KIRREL3: variants seen among roughly 807,000 people sequenced by gnomAD.
The protein encoded by KIRREL3 is kirre like nephrin family adhesion molecule 3.
A neutral mutation model predicts 89.7 loss-of-function variants in KIRREL3; 36 were observed. The ratio of observed to expected loss-of-function variants is 0.40; its 90% CI spans 0.31 to 0.53. The LOEUF is 0.53. KIRREL3 is among the 20% of genes least tolerant of loss of function. KIRREL3 has a pLI of 0.49. For synonymous variants in KIRREL3, 445 were observed against 441.4 expected (o/e 1.01, Z -0.10); for missense variants, 864 against 1,056.6 (o/e 0.82, Z 2.53).
In KIRREL3 at chr11:126,742,081, G is replaced by A. The variant is rs556869122; in HGVS notation, c.56-179169C>T. 6.6e-6 allele frequency among the ~76,000 whole-genome samples: 1 copy of A among 152,328 alleles called. No homozygotes were observed. The highest frequency in any genetic ancestry group is 2.1e-4 in the South Asian group (1 of 4,828). ...ACATGTGAAACTCTATTTACACCAAGCTTTAAATTGAACTTCCCATTTCCC... is the reference window on the plus strand; with the variant it reads ...ACATGTGAAACTCTATTTACACCAAACTTTAAATTGAACTTCCCATTTCCC... On this transcript the variant is annotated intron_variant, in intron 1 of 16. Transcript: ENST00000525144. This position sits in a 1 kb window ranked among gnomAD's most constrained non-coding sequence, Gnocchi z 5.3.
intron 4 of KIRREL3, among the ~76,000 whole-genome samples, chr11:126,493,346 C>T (rs540484549): frequency 5.9e-5 from 9 of 152,044 alleles, no homozygotes; most frequent in Admixed American, 3.9e-4. Context: ...ACGGTGAAAC[C>T]CCATCTCTAC....
chr11:126,558,264 C>T lies in KIRREL3; in HGVS notation c.133+4571G>A, dbSNP rs563425884. Among the ~76,000 whole-genome samples, 1 of 152,308 alleles carries T rather than the reference C, an allele frequency of 6.6e-6. No homozygotes were observed. The highest frequency in any genetic ancestry group is 2.1e-4 in the South Asian group (1 of 4,828). On this transcript the variant is annotated intron_variant, in intron 2 of 16. Transcript: ENST00000525144. The surrounding 1 kb of genome is among the most constrained non-coding windows in gnomAD (Gnocchi z 4.0). ...AGAGTCCTGTGGCCTGCCAGCTTTT[C>T]TGGTCCCCCAGGAATGGTCTTCTCT...
At chr11:126,444,817 C>A (rs894617903) in intron 10 of KIRREL3, among the ~76,000 whole-genome samples, 162 bp downstream of exon 10, 5 of 152,206 alleles carry the variant, frequency 3.3e-5, no homozygotes. Context: ...CTGGGTCTGA[C>A]GGGGAATCCA....
At position 126,946,333 on chromosome 11, in the gene KIRREL3, C is replaced by G. The variant is rs978588713; in HGVS notation, c.55+54122G>C. ...GGAAGGGAAGATTTGGTTGCTACAACATGCCACCATACTGGGAGTTGCAAG... is the reference window on the plus strand; with the variant it reads ...GGAAGGGAAGATTTGGTTGCTACAAGATGCCACCATACTGGGAGTTGCAAG... On this transcript the variant is annotated intron_variant, in intron 1 of 16. Transcript: ENST00000525144. The surrounding 1 kb of genome is among the most constrained non-coding windows in gnomAD (Gnocchi z 4.1). Among the ~76,000 whole-genome samples the G allele has an allele frequency of 1.3e-5, 2 of 152,192 alleles. No homozygotes were observed. The highest frequency in any genetic ancestry group is 2.4e-5 in the African/African-American group (1 of 41,428).
Position 126,454,366 on chromosome 11 carries a change from G to C in KIRREL3, c.848+1983C>G, listed in dbSNP as rs1482084818. ...CAGCCTACCCATCACTAGGACCCCA[G>C]GTGACCAGAGCCTGGCAGTGAGGAG... is the stretch of plus-strand genomic sequence containing the variant. On this transcript the variant is annotated intron_variant, in intron 7 of 16. Transcript: ENST00000525144. This position sits in a 1 kb window ranked among gnomAD's most constrained non-coding sequence, Gnocchi z 5.8. Among the ~76,000 whole-genome samples, 1 of 152,130 alleles carries C rather than the reference G, an allele frequency of 6.6e-6. No homozygotes were observed. The highest frequency in any genetic ancestry group is 1.5e-5 in the Non-Finnish European group (1 of 68,030).
At chr11:126,644,933 C>T (rs972055889) in intron 1 of KIRREL3, among the ~76,000 whole-genome samples, 9 of 152,232 alleles carry the variant, frequency 5.9e-5, no homozygotes, top group East Asian at 1.9e-4. Context: ...AAACAGCGAA[C>T]GTGCCAAGTC....
rs547777525 is a variant in KIRREL3, at chr11:126,557,947, C to A, written c.133+4888G>T. On this transcript the variant is annotated intron_variant, in intron 2 of 16. Coordinates refer to ENST00000525144, the MANE Select transcript of KIRREL3 (RefSeq NM_032531.4). This position sits in a 1 kb window ranked among gnomAD's most constrained non-coding sequence, Gnocchi z 5.6. ...AGAGGTCTCCAGTCAGCAAAAGCTGCCTTTGCTAATCACTCACAAGTATTT... is the reference window on the plus strand; with the variant it reads ...AGAGGTCTCCAGTCAGCAAAAGCTGACTTTGCTAATCACTCACAAGTATTT... 8.3e-4 allele frequency among the ~76,000 whole-genome samples: 126 copies of A among 152,218 alleles called. No homozygotes were observed. Among genetic ancestry groups the A allele is most frequent in the Non-Finnish European group, 1.5e-3 (105 of 68,036 alleles).
At position 126,683,982 on chromosome 11, in the gene KIRREL3, G is replaced by T. The variant is rs1478955452; in HGVS notation, c.56-121070C>A. On this transcript the variant is annotated intron_variant, in intron 1 of 16. Coordinates refer to ENST00000525144, the MANE Select transcript of KIRREL3 (RefSeq NM_032531.4). This position sits in a 1 kb window ranked among gnomAD's most constrained non-coding sequence, Gnocchi z 5.2. ...CCCTTACAGGGTGGTGGGACCCAGG[G>T]CCCAGGGTTTGGCTCCGGGTTTTTG... Among the ~76,000 whole-genome samples, 1 of 152,216 alleles carries T rather than the reference G, an allele frequency of 6.6e-6. No individual in the cohort carries two copies. The highest frequency in any genetic ancestry group is 2.4e-5 in the African/African-American group (1 of 41,462).
chr11:126,895,402 C>T (rs1393759356), intron 1 of KIRREL3, among the ~76,000 whole-genome samples: 52 of 148,332 alleles, frequency 3.5e-4, no homozygotes, highest in Admixed American at 3.5e-3. Flanking sequence ...GGCGGAGATT[C>T]CACCACTGTA....
intron 1 of KIRREL3, among the ~76,000 whole-genome samples, chr11:126,794,555 T>C (rs893457147): frequency 1.3e-5 from 2 of 152,210 alleles, no homozygotes; most frequent in African/African-American, 4.8e-5. Context: ...TCCAATAATA[T>C]TGATTTGTAT....
At position 126,931,029 on chromosome 11, in the gene KIRREL3, C is replaced by T. The variant is rs1947928752; in HGVS notation, c.55+69426G>A. 1.3e-5 allele frequency among the ~76,000 whole-genome samples: 2 copies of T among 152,232 alleles called. No individual in the cohort carries two copies. Among genetic ancestry groups the T allele is most frequent in the Non-Finnish European group, 2.9e-5 (2 of 68,048 alleles). The stretch of plus-strand genomic sequence containing the variant: ...CCCCTATCCATCTCCCACTCTCACA[C>T]AGGACGAGTGTAGACAGCACCTTCT... On this transcript the variant is annotated intron_variant, in intron 1 of 16. Transcript: ENST00000525144. The surrounding 1 kb of genome is among the most constrained non-coding windows in gnomAD (Gnocchi z 5.1).
At chr11:127,003,363 C>A (rs1478599707), upstream of KIRREL3, 1 of 153,158 alleles carries the variant, frequency 6.5e-6, no homozygotes, top group Admixed American at 6.5e-5. Context: ...CGGTTAGCCT[C>A]CTGGCGCTGC....
At chr11:126,722,748 G>T (rs906464126) in intron 1 of KIRREL3, among the ~76,000 whole-genome samples, 5 of 152,222 alleles carry the variant, frequency 3.3e-5, no homozygotes, top group Non-Finnish European at 5.9e-5. Context: ...TGTAAGCTCC[G>T]TGTGGACAAG....
rs1343112598 is a variant in KIRREL3, at chr11:126,739,145, G to T, written c.56-176233C>A. On this transcript the variant is annotated intron_variant, in intron 1 of 16. Transcript: ENST00000525144. The surrounding 1 kb of genome is among the most constrained non-coding windows in gnomAD (Gnocchi z 5.5). ...CAGGATGGAAACTCCAATCCAGACT[G>T]TTCTGGCTCCAAAGCCAAACCCTTC... 6.6e-6 allele frequency among the ~76,000 whole-genome samples: 1 copy of T among 152,234 alleles called. No individual in the cohort carries two copies. Among genetic ancestry groups the T allele is most frequent in the East Asian group, 1.9e-4 (1 of 5,200 alleles).
At chr11:126,756,334 A>T (rs568184302) in intron 1 of KIRREL3, among the ~76,000 whole-genome samples, 1 of 152,374 alleles carries the variant, frequency 6.6e-6, no homozygotes, top group East Asian at 1.9e-4. Flanking sequence ...AACAAATGGT[A>T]AATAGAATAA....
chr11:126,559,848 T>C (rs183474760), intron 2 of KIRREL3, among the ~76,000 whole-genome samples: 1 of 151,788 alleles, frequency 6.6e-6, no homozygotes, highest in Non-Finnish European at 1.5e-5. Context: ...TATTATTATT[T>C]TTTTTTGTAT....
At position 126,844,895 on chromosome 11, in the gene KIRREL3, C is replaced by T. The variant is rs1376180125; in HGVS notation, c.55+155560G>A. Among the ~76,000 whole-genome samples, 1 of 152,190 alleles carries T rather than the reference C, an allele frequency of 6.6e-6. No homozygotes were observed. Among genetic ancestry groups the T allele is most frequent in the African/African-American group, 2.4e-5 (1 of 41,450 alleles). On this transcript the variant is annotated intron_variant, in intron 1 of 16. Coordinates refer to ENST00000525144, the MANE Select transcript of KIRREL3 (RefSeq NM_032531.4). The surrounding 1 kb of genome is among the most constrained non-coding windows in gnomAD (Gnocchi z 4.8). The stretch of plus-strand genomic sequence containing the variant: ...TCCTTTTGCTACCAACAAGCAGCCA[C>T]CTGAAATTGTCAGTGTTGTTGCAAT...
rs1269415867 is a variant in KIRREL3 at position 126,807,830 on chromosome 11, T to G, written c.55+192625A>C. Among the ~76,000 whole-genome samples the G allele has an allele frequency of 6.6e-6, 1 of 152,234 alleles. No homozygotes were observed. Among genetic ancestry groups the G allele is most frequent in the East Asian group, 1.9e-4 (1 of 5,204 alleles). ...AGTGTTTACCCACTACCAGGCACTC[T>G]GTTAGGCACTTTACATATATTGTCT... On this transcript the variant is annotated intron_variant, in intron 1 of 16. Transcript: ENST00000525144. The surrounding 1 kb of genome is among the most constrained non-coding windows in gnomAD (Gnocchi z 4.3).
At position 126,999,939 on chromosome 11, in the gene KIRREL3, C is replaced by G. The variant is rs1244098495; in HGVS notation, c.55+516G>C. On this transcript the variant is annotated intron_variant, in intron 1 of 16. Transcript: ENST00000525144. The surrounding 1 kb of genome is among the most constrained non-coding windows in gnomAD (Gnocchi z 5.7). ...TTCCCAACCACTGCAAATTACCCCC[C>G]ACAATACATTCTGTAATTGCAACCC... Among the ~76,000 whole-genome samples, 6 of 152,114 alleles carry G rather than the reference C, an allele frequency of 3.9e-5. No individual in the cohort carries two copies. The highest frequency in any genetic ancestry group is 2.0e-4 in the Admixed American group (3 of 15,276).
Sources: allele counts gnomAD v4.1 joint callset (sites outside exome capture counted in the v4.1 genomes callset), GRCh38; gene constraint gnomAD v4.1.1; non-coding constraint Gnocchi (gnomAD v3.1); transcripts MANE v1.5; gene names NCBI Gene and HGNC (gene_info 2026-07-23, HGNC 2026-07-21).